PNPLA1: variants seen among roughly 807,000 people sequenced by gnomAD.
PNPLA1 encodes omega-hydroxyceramide transacylase.
A neutral mutation model predicts 51.7 loss-of-function variants in PNPLA1; 36 were observed. The observed-to-expected ratio is 0.70, with a 90% CI of 0.53 to 0.92. The LOEUF (loss-of-function observed/expected upper bound fraction) is 0.92. PNPLA1 is among the 40% of genes least tolerant of loss of function. The probability of loss-of-function intolerance (pLI) is 0.00; values close to 1 mark genes in which losing one functional copy is unlikely to be tolerated. For missense variants in PNPLA1, 658 were observed against 682.5 expected (o/e 0.96, Z 0.40); for synonymous variants, 293 against 280.1 (o/e 1.05, Z -0.46).
chr6:36,283,168 A>G (rs1770374481), intron 1 of PNPLA1, among the ~76,000 whole-genome samples: 1 of 152,196 alleles, frequency 6.6e-6, no homozygotes, highest in Non-Finnish European at 1.5e-5. Flanking sequence ...GTACATTCCT[A>G]TTAACTATAC....
In PNPLA1 at chr6:36,246,213, A is replaced by T. The variant is rs9470236; in HGVS notation, c.-81+2952A>T. ...GTTTAAACAGATCCCACATTTTTGG[A>T]TTTTTTTTTTTGACGAGGTCTTACT... is the stretch of plus-strand genomic sequence containing the variant. On this transcript the variant is annotated intron_variant, in intron 1 of 7. Coordinates refer to the PNPLA1 transcript ENST00000312917. Among the ~76,000 whole-genome samples, 1,456 of 147,782 alleles carry T rather than the reference A, an allele frequency of 9.9e-3. 21 individuals are homozygous for T. Among genetic ancestry groups the T allele is most frequent in the African/African-American group, 0.034 (1,383 of 40,410 alleles).
At chr6:36,279,596 G>A (rs986616542) in intron 1 of PNPLA1, among the ~76,000 whole-genome samples, 1 of 152,242 alleles carries the variant, frequency 6.6e-6, no homozygotes, top group Non-Finnish European at 1.5e-5. Context: ...AGGAGGGCTA[G>A]GGCTGAACTT....
At chr6:36,255,816 C>T (rs1402263528) in intron 1 of PNPLA1, among the ~76,000 whole-genome samples, 3 of 152,142 alleles carry the variant, frequency 2.0e-5, no homozygotes, top group African/African-American at 7.2e-5. Context: ...ATGCCGCTAA[C>T]ATCTCTATTG....
Position 36,295,424 on chromosome 6 carries a change from A to G in PNPLA1, c.775A>G (p.Asn259Asp). The change falls in exon 5 of 9, where the codon AAT (asparagine) becomes GAT (aspartate). Residue 259 changes from asparagine to aspartate, a missense_variant and splice_region_variant. By Grantham distance (23) the Asn-to-Asp change is conservative. Transcript: ENST00000636260. ...TGCAGTTTTGTACTTGAGGCGGCTG[A>G]GTAAGTACCGGTGGGGCCCCAGGTA... ...EDAVLYLRRL[N>D]AVYLNSSSKR... 1 of 1,614,138 alleles carries G rather than the reference A, an allele frequency of 6.2e-7. No individual in the cohort carries two copies. The highest frequency in any genetic ancestry group is 8.5e-7 in the Non-Finnish European group (1 of 1,180,006).
chr6:36,288,052 G>C (rs556841609), intron 1 of PNPLA1, among the ~76,000 whole-genome samples: 1 of 152,314 alleles, frequency 6.6e-6, no homozygotes, highest in Admixed American at 6.5e-5. Flanking sequence ...GAATAGGTGA[G>C]AGTTGACTGT....
chr6:36,303,836 A>T (rs529059861), intron 6 of PNPLA1, among the ~76,000 whole-genome samples: 150 of 152,242 alleles, frequency 9.9e-4, no homozygotes, highest in African/African-American at 3.3e-3. Flanking sequence ...CCATTTAAAA[A>T]ATATATATAT....
At chr6:36,260,171 G>A (rs868294469) in intron 1 of PNPLA1, among the ~76,000 whole-genome samples, 1 of 151,992 alleles carries the variant, frequency 6.6e-6, no homozygotes, top group Non-Finnish European at 1.5e-5. Context: ...TGTGCCTGTA[G>A]TCCTAGCTAC....
At chr6:36,268,921 C>A (rs1457015346), upstream of PNPLA1, among the ~76,000 whole-genome samples, 1 of 152,190 alleles carries the variant, frequency 6.6e-6, no homozygotes, top group Non-Finnish European at 1.5e-5. Flanking sequence ...ACACCCGCCC[C>A]CACCCCAGCA....
chr6:36,313,035 G>A lies in PNPLA1; in HGVS notation c.*1149G>A, dbSNP rs545231496. Among the ~76,000 whole-genome samples, 115 of 152,320 alleles carry A rather than the reference G, an allele frequency of 7.5e-4. 2 individuals carry two copies. The South Asian group carries it at 7.9e-3, about 10-fold the overall frequency. On this transcript the variant is annotated 3_prime_UTR_variant, in exon 9 of 9. Transcript: ENST00000636260. ...ACAGTGTACTAACGGCTTGGCCTGA[G>A]CTGGTCACTGGAATCGCTGGCTGAA...
chr6:36,292,887 A>G lies in PNPLA1; in HGVS notation c.439-174A>G, dbSNP rs921897911. ...GACCAAGCAGGTTACCAAGGACCCA[A>G]TTAGTGAAGGCCAGGCCAGGAACTG... On this transcript the variant is annotated intron_variant, in intron 2 of 8. Coordinates refer to ENST00000636260, the MANE Select transcript of PNPLA1 (RefSeq NM_001374623.1). 1.3e-5 allele frequency among the ~76,000 whole-genome samples: 2 copies of G among 152,194 alleles called. 1 individual carries two copies. Among genetic ancestry groups the G allele is most frequent in the East Asian group, 3.8e-4 (2 of 5,196 alleles).
chr6:36,302,726 C>G (rs1771105394), intron 6 of PNPLA1, among the ~76,000 whole-genome samples: 1 of 152,130 alleles, frequency 6.6e-6, no homozygotes, highest in Non-Finnish European at 1.5e-5. Context: ...TGGGAACTTG[C>G]TAGAAATTAC....
intron 1 of PNPLA1, among the ~76,000 whole-genome samples, chr6:36,258,183 C>T (rs1245371671): frequency 6.6e-6 from 1 of 152,126 alleles, no homozygotes; most frequent in Non-Finnish European, 1.5e-5. Flanking sequence ...GGAGTCTGTC[C>T]TGCACATGTG....
chr6:36,266,309 T>C (rs1032074846), upstream of PNPLA1, among the ~76,000 whole-genome samples: 1 of 152,210 alleles, frequency 6.6e-6, no homozygotes, highest in Admixed American at 6.5e-5. Context: ...TGTTTGAAAG[T>C]GCCATGTTTC....
chr6:36,282,104 G>GA, intron 1 of PNPLA1, among the ~76,000 whole-genome samples: 1 of 51,222 alleles, frequency 2.0e-5, no homozygotes, highest in South Asian at 5.7e-4. Context: ...AAGGAAGGAA[G>GA]GAAGGAAGGA....
intron 1 of PNPLA1, among the ~76,000 whole-genome samples, chr6:36,246,444 C>T (rs994625039): frequency 1.3e-5 from 2 of 152,110 alleles, no homozygotes; most frequent in East Asian, 1.9e-4. Context: ...TCAAGTGATC[C>T]GCCCACCTTG....
At chr6:36,278,002 AC>A (rs1421341265) in intron 1 of PNPLA1, among the ~76,000 whole-genome samples, 3 of 152,204 alleles carry the variant, frequency 2.0e-5, no homozygotes, top group Non-Finnish European at 2.9e-5. Flanking sequence ...TGGGCAATGC[AC>A]CATGGCACCT....
intron 1 of PNPLA1, among the ~76,000 whole-genome samples, chr6:36,280,095 A>G (rs1770232686): frequency 6.6e-6 from 1 of 152,182 alleles, no homozygotes; most frequent in Admixed American, 6.5e-5. Context: ...AGTCGTAGCT[A>G]CTCGGGAGGC....
intron 1 of PNPLA1, chr6:36,243,273 T>G (rs1331944981): frequency 6.6e-6 from 1 of 152,140 alleles, no homozygotes; most frequent in African/African-American, 2.4e-5. Flanking sequence ...TAGGCATCGT[T>G]TAGGCAAGTG....
intron 1 of PNPLA1, among the ~76,000 whole-genome samples, chr6:36,250,384 G>GTAC (rs1769394931): frequency 6.6e-6 from 1 of 152,192 alleles, no homozygotes; most frequent in Admixed American, 6.5e-5. Flanking sequence ...GAATATCATG[G>GTAC]TGTAAGGCTG....
Sources: gnomAD v4.1 joint callset for allele counts (sites outside exome capture counted in the v4.1 genomes callset) on GRCh38, gnomAD v4.1.1 for gene constraint, MANE v1.5 for transcripts, NCBI Gene and HGNC (gene_info 2026-07-23, HGNC 2026-07-21) for gene names.